The following CADM1 variants were observed in gnomAD, a reference collection of about 807,000 sequenced individuals.
CADM1 encodes cell adhesion molecule 1.
In CADM1, 15 loss-of-function variants were observed where a neutral mutation model predicts 53.1. The ratio of observed to expected loss-of-function variants is 0.28; its 90% CI spans 0.19 to 0.44. The LOEUF (loss-of-function observed/expected upper bound fraction) is 0.44, where lower values mean the gene tolerates loss of function less well. Among genes scored for constraint, CADM1 ranks in the 20% least tolerant of loss-of-function variants. The probability of loss-of-function intolerance (pLI) is 1.00; values close to 1 mark genes in which losing one functional copy is unlikely to be tolerated. For missense variants in CADM1, 434 were observed against 611.3 expected, an observed-to-expected ratio of 0.71 and a Z score of 3.06; for synonymous variants, 281 against 243.0, an observed-to-expected ratio of 1.16 and a Z score of -1.45.
intron 1 of CADM1, among the ~76,000 whole-genome samples, chr11:115,327,384 G>A (rs886740856): frequency 2.6e-5 from 4 of 152,078 alleles, no homozygotes; most frequent in Non-Finnish European, 4.4e-5. Context: ...TCACTCTATC[G>A]GGTCCAGGAG....
chr11:115,462,813 A>C (rs531173538), intron 1 of CADM1, among the ~76,000 whole-genome samples: 1 of 152,346 alleles, frequency 6.6e-6, no homozygotes, highest in East Asian at 1.9e-4. Flanking sequence ...TTTGCGTGGC[A>C]GTCTATATGG....
In CADM1 at chr11:115,321,353, G is replaced by T. The variant is rs575699418; in HGVS notation, c.125-80933C>A. Among the ~76,000 whole-genome samples, 7 of 152,264 alleles carry T rather than the reference G, an allele frequency of 4.6e-5. No individual in the cohort carries two copies. In the East Asian group the frequency reaches 1.4e-3, roughly 29 times the overall value. ...TAAATATGCTAGTGGTAAGTGCACA[G>T]TACTTGGGGAAAAATGCATTTTGTA... On this transcript the variant is annotated intron_variant, in intron 1 of 11. Transcript: ENST00000331581.
rs1159917766 is a variant in CADM1, at chr11:115,240,325, TCA to T, written c.218_219del (p.Val73AspfsTer31). 3 of 1,613,846 alleles carry T rather than the reference TCA, an allele frequency of 1.9e-6. No homozygotes were observed. The highest frequency in any genetic ancestry group is 1.7e-6 in the Non-Finnish European group (2 of 1,179,876). ...TGCCTGTTGGGATTCAGTAGCTGAA[TCA>T]CAGAGTCGTCACTCTTATTGACTTG... is the stretch of plus-strand genomic sequence containing the variant. ...SCQVNKSDDS[V>X]IQLLNPNRQT... On this transcript the variant is annotated frameshift_variant, in exon 2 of 12. Transcript: ENST00000331581. LOFTEE classifies it high-confidence loss of function.
At chr11:115,398,682 C>T (rs1947063319) in intron 1 of CADM1, among the ~76,000 whole-genome samples, 1 of 152,112 alleles carries the variant, frequency 6.6e-6, no homozygotes, top group Non-Finnish European at 1.5e-5. Flanking sequence ...CAATATTTTC[C>T]CAACCTAATA....
At chr11:115,303,401 C>A (rs1409465768) in intron 1 of CADM1, among the ~76,000 whole-genome samples, 3 of 152,024 alleles carry the variant, frequency 2.0e-5, no homozygotes, top group African/African-American at 7.2e-5. Context: ...GGCAAGCAGA[C>A]AACAGGAAAG....
chr11:115,350,925 TAAAA>T (rs11378288), intron 1 of CADM1, among the ~76,000 whole-genome samples: 1 of 135,854 alleles, frequency 7.4e-6, no homozygotes. Context: ...TACGAGAAGT[TAAAA>T]AAAAAAAAAA....
At chr11:115,336,028 T>C (rs1945258116) in intron 1 of CADM1, among the ~76,000 whole-genome samples, 1 of 152,144 alleles carries the variant, frequency 6.6e-6, no homozygotes, top group Non-Finnish European at 1.5e-5. Context: ...TCTTCTTCCT[T>C]GAGACAAGTA....
chr11:115,457,056 G>A (rs1450156020), intron 1 of CADM1, among the ~76,000 whole-genome samples: 2 of 152,096 alleles, frequency 1.3e-5, no homozygotes, highest in Non-Finnish European at 2.9e-5. Context: ...CACATACTGA[G>A]TGCCTACTAA....
intron 1 of CADM1, among the ~76,000 whole-genome samples, chr11:115,495,540 T>G (rs1949589953): frequency 6.6e-6 from 1 of 152,192 alleles, no homozygotes; most frequent in African/African-American, 2.4e-5. Context: ...GCAGGTAGAC[T>G]GAGAAAGAAA....
chr11:115,441,758 C>G (rs1273001125), intron 1 of CADM1, among the ~76,000 whole-genome samples: 1 of 152,112 alleles, frequency 6.6e-6, no homozygotes, highest in Non-Finnish European at 1.5e-5. Context: ...TCCCCAAACC[C>G]TGCATCAGGC....
chr11:115,278,665 T>C (rs1385001790), intron 1 of CADM1, among the ~76,000 whole-genome samples: 1 of 152,164 alleles, frequency 6.6e-6, no homozygotes, highest in African/African-American at 2.4e-5. Context: ...TACAGAAGTT[T>C]GTAAGAAGGA....
rs1383228131 is a variant in CADM1 at position 115,302,148 on chromosome 11, T to C, written c.125-61728A>G. Among the ~76,000 whole-genome samples, 4 of 151,684 alleles carry C rather than the reference T, an allele frequency of 2.6e-5. 1 individual carries two copies. Among genetic ancestry groups the C allele is most frequent in the Non-Finnish European group, 5.9e-5 (4 of 67,874 alleles). On this transcript the variant is annotated intron_variant, in intron 1 of 11. Coordinates refer to ENST00000331581, the MANE Select transcript of CADM1 (RefSeq NM_001301043.2). ...GGGGAACCACACACACCGGGGCCTATTGGAGGGGGAAGGGTGGAAGGAGGG... is the reference window on the plus strand; with the variant it reads ...GGGGAACCACACACACCGGGGCCTACTGGAGGGGGAAGGGTGGAAGGAGGG...
rs532346505 is a variant in CADM1, at chr11:115,472,582, G to A, written c.124+31689C>T. Among the ~76,000 whole-genome samples the A allele has an allele frequency of 2.8e-4, 43 of 152,150 alleles. No homozygotes were observed. In the South Asian group the frequency reaches 7.7e-3, roughly 27 times the overall value. ...AATATGACATTCTTCAAAATTCTCC[G>A]GTTTGCCAATATTGAAATGTTAATT... is the stretch of plus-strand genomic sequence containing the variant. On this transcript the variant is annotated intron_variant, in intron 1 of 11. Transcript: ENST00000331581.
At chr11:115,386,872 C>A (rs1946712125) in intron 1 of CADM1, among the ~76,000 whole-genome samples, 1 of 152,134 alleles carries the variant, frequency 6.6e-6, no homozygotes, top group African/African-American at 2.4e-5. Context: ...AGTTGATATA[C>A]CCACTATTCA....
intron 1 of CADM1, among the ~76,000 whole-genome samples, chr11:115,308,175 G>GTGTATATA (rs1353212174): frequency 6.8e-4 from 80 of 117,428 alleles, no homozygotes; most frequent in African/African-American, 2.9e-3. Context: ...GTGTGTGTGT[G>GTGTATATA]TATATCACTC....
At chr11:115,251,862 T>C (rs534218015) in intron 1 of CADM1, among the ~76,000 whole-genome samples, 10 of 152,202 alleles carry the variant, frequency 6.6e-5, no homozygotes, top group Non-Finnish European at 1.5e-4. Flanking sequence ...GAATTGCATG[T>C]GGAGAGAAGT....
At chr11:115,472,447 A>T (rs1449106671) in intron 1 of CADM1, among the ~76,000 whole-genome samples, 1 of 151,408 alleles carries the variant, frequency 6.6e-6, no homozygotes, top group Non-Finnish European at 1.5e-5. Context: ...ATATATGTAT[A>T]TAGGGGGGGG....
chr11:115,257,718 T>C (rs1276844973), intron 1 of CADM1, among the ~76,000 whole-genome samples: 1 of 152,202 alleles, frequency 6.6e-6, no homozygotes, highest in South Asian at 2.1e-4. Flanking sequence ...ATATTAATAG[T>C]AATAAAAGCA....
chr11:115,248,676 T>C (rs17118138), intron 1 of CADM1, among the ~76,000 whole-genome samples: 5,535 of 152,264 alleles, frequency 0.036, 334 homozygotes, highest in African/African-American at 0.12. Flanking sequence ...CATAGCTGGA[T>C]AGGTTGCATG....
Sources: gnomAD v4.1 joint callset for allele counts (sites outside exome capture counted in the v4.1 genomes callset) on GRCh38, gnomAD v4.1.1 for gene constraint, MANE v1.5 for transcripts, NCBI Gene and HGNC (gene_info 2026-07-23, HGNC 2026-07-21) for gene names.